PLSCR2: variants seen among roughly 807,000 people sequenced by gnomAD.
PLSCR2 encodes phospholipid scramblase 2, also known as PL scramblase 2.
Under a neutral mutation model 25.3 loss-of-function variants are expected in PLSCR2, and 18 were observed. That is an observed-to-expected ratio of 0.71 (90% CI 0.49 to 1.06). PLSCR2 has a LOEUF of 1.06. Ranked by LOEUF, PLSCR2 falls within the 50% of genes least tolerant of loss-of-function variation. PLSCR2 has a pLI of 0.00. For missense variants in PLSCR2, 243 were observed against 269.5 expected, an observed-to-expected ratio of 0.90 and a Z score of 0.69; for synonymous variants, 88 against 87.3, an observed-to-expected ratio of 1.01 and a Z score of -0.04.
rs560124310 is a variant in PLSCR2, at chr3:146,478,762, C to T, written c.-293+17133G>A. On this transcript the variant is annotated intron_variant, in intron 1 of 8. Coordinates refer to the PLSCR2 transcript ENST00000336685. ...TAGAGAACACCACAAAGATACTCCT[C>T]GAGAGGAGCAACCCCAAGACACATA... 1.4e-4 allele frequency among the ~76,000 whole-genome samples: 22 copies of T among 152,198 alleles called. No individual in the cohort carries two copies. In the South Asian group the frequency reaches 3.5e-3, roughly 24 times the overall value.
At chr3:146,475,284 AG>A (rs752757904) in intron 1 of PLSCR2, among the ~76,000 whole-genome samples, 1 of 151,630 alleles carries the variant, frequency 6.6e-6, no homozygotes, top group East Asian at 1.9e-4. Context: ...GAGTTTGCCT[AG>A]TTTCAGTCTT....
At chr3:146,460,175 T>C in exon 1 of PLSCR2, 1 of 1,395,420 alleles carries the variant, frequency 7.2e-7, no homozygotes, top group Non-Finnish European at 9.4e-7. Context: ...AACTGACCTC[T>C]CAGCTCAGAA....
intron 8 of PLSCR2, among the ~76,000 whole-genome samples, chr3:146,433,720 T>G (rs1307884121): frequency 6.6e-6 from 1 of 152,150 alleles, no homozygotes; most frequent in Non-Finnish European, 1.5e-5. Context: ...ATGCTAGAGA[T>G]GAGTGCCCTG....
intron 5 of PLSCR2, among the ~76,000 whole-genome samples, chr3:146,449,625 G>C (rs1375789997): frequency 1.3e-5 from 2 of 149,798 alleles, no homozygotes; most frequent in Non-Finnish European, 3.0e-5. Context: ...TATTAAGATA[G>C]ACATTAATAT....
intron 1 of PLSCR2, among the ~76,000 whole-genome samples, chr3:146,473,347 C>T (rs566330902): frequency 4.0e-5 from 6 of 149,088 alleles, no homozygotes; most frequent in Non-Finnish European, 8.9e-5. Flanking sequence ...CTCTGTCGCC[C>T]AGGCTGGAGT....
exon 2 of PLSCR2, chr3:146,459,865 A>C: frequency 3.1e-6 from 5 of 1,612,702 alleles, no homozygotes; most frequent in Non-Finnish European, 4.2e-6. Flanking sequence ...AAGTATTCCA[A>C]TCCTGGCGGA....
chr3:146,401,201 G>A (rs962248414), intron 2 of PLSCR2, among the ~76,000 whole-genome samples: 1 of 151,952 alleles, frequency 6.6e-6, no homozygotes, highest in African/African-American at 2.4e-5. Flanking sequence ...CAATGTTGTG[G>A]ATGATTCTCA....
At chr3:146,489,233 T>A (rs1246415288) in intron 1 of PLSCR2, among the ~76,000 whole-genome samples, 1 of 152,068 alleles carries the variant, frequency 6.6e-6, no homozygotes, top group Non-Finnish European at 1.5e-5. Context: ...ACCTAGGTGA[T>A]GGCTTGATGG....
At chr3:146,483,159 C>T (rs1432783590) in intron 1 of PLSCR2, among the ~76,000 whole-genome samples, 2 of 151,028 alleles carry the variant, frequency 1.3e-5, no homozygotes, top group Non-Finnish European at 2.9e-5. Flanking sequence ...GGCTAATATC[C>T]AGAATCTACA....
At chr3:146,461,113 CAT>C (rs2041546775), upstream of PLSCR2, among the ~76,000 whole-genome samples, 1 of 152,090 alleles carries the variant, frequency 6.6e-6, no homozygotes, top group South Asian at 2.1e-4. Flanking sequence ...TGTAAATGTA[CAT>C]TGCAATGATG....
intron 1 of PLSCR2, among the ~76,000 whole-genome samples, chr3:146,472,804 A>G (rs1220021477): frequency 1.3e-5 from 2 of 152,224 alleles, no homozygotes; most frequent in Non-Finnish European, 2.9e-5. Flanking sequence ...AAAATGGCAT[A>G]GTCTGGGTGA....
At chr3:146,399,783 CTCCTTCTTTCCTCCTTCCT>C (rs1295563250) in intron 2 of PLSCR2, among the ~76,000 whole-genome samples, 1 of 34,524 alleles carries the variant, frequency 2.9e-5, no homozygotes, top group Admixed American at 3.9e-4. Flanking sequence ...TTTCTTCTTC[CTCCTTCTTTCCTCCTTCCT>C]TCCTTCTTTC....
At chr3:146,400,415 T>C (rs903255456) in intron 2 of PLSCR2, among the ~76,000 whole-genome samples, 2 of 151,410 alleles carry the variant, frequency 1.3e-5, no homozygotes, top group Non-Finnish European at 3.0e-5. Context: ...AATAATTAAA[T>C]TTATTTGTAA....
intron 1 of PLSCR2, among the ~76,000 whole-genome samples, chr3:146,466,004 T>C (rs1039173500): frequency 2.0e-5 from 3 of 152,208 alleles, no homozygotes; most frequent in African/African-American, 7.2e-5. Flanking sequence ...ACACCATATC[T>C]GTGAGGTATG....
intron 5 of PLSCR2, among the ~76,000 whole-genome samples, chr3:146,451,460 C>T (rs146324639): frequency 1.0e-4 from 13 of 128,056 alleles, no homozygotes; most frequent in African/African-American, 3.1e-4. Context: ...CTAAAATGCT[C>T]ATAACTTTCT....
At chr3:146,460,205 T>C in exon 1 of PLSCR2, 5 of 1,395,124 alleles carry the variant, frequency 3.6e-6, no homozygotes, top group Non-Finnish European at 4.7e-6. Context: ...CTGTGAAGCT[T>C]GAGGTATGTT....
At chr3:146,398,984 T>G (rs1279230092) in intron 2 of PLSCR2, among the ~76,000 whole-genome samples, 1 of 151,802 alleles carries the variant, frequency 6.6e-6, no homozygotes, top group South Asian at 2.1e-4. Flanking sequence ...AACATAGAAG[T>G]GAGAAGACCA....
chr3:146,426,971 A>C (rs1183968681), intron 2 of PLSCR2, among the ~76,000 whole-genome samples: 2 of 152,222 alleles, frequency 1.3e-5, no homozygotes, highest in African/African-American at 4.8e-5. Flanking sequence ...GAAAATAAAT[A>C]AATGATATAA....
At chr3:146,393,142 C>T (rs1165157024) in intron 3 of PLSCR2, among the ~76,000 whole-genome samples, 3 of 150,052 alleles carry the variant, frequency 2.0e-5, no homozygotes, top group Admixed American at 6.7e-5. Context: ...CATTCTCCTG[C>T]CTCAGCCTCC....
Sources: gnomAD v4.1 joint callset for allele counts (sites outside exome capture counted in the v4.1 genomes callset) on GRCh38, gnomAD v4.1.1 for gene constraint, MANE v1.5 for transcripts, NCBI Gene and HGNC (gene_info 2026-07-23, HGNC 2026-07-21) for gene names.